Variants in MACROD2 observed in about 807,000 individuals in gnomAD.
The protein encoded by MACROD2 is mono-ADP ribosylhydrolase 2.
Under a neutral mutation model 70.4 loss-of-function variants are expected in MACROD2, and 36 were observed. The observed-to-expected ratio is 0.51, with a 90% confidence interval of 0.39 to 0.68. The LOEUF is 0.68. MACROD2 is among the 30% of genes least tolerant of loss of function. The pLI, the probability that MACROD2 is intolerant of heterozygous loss-of-function variation, is 0.00. For synonymous variants in MACROD2, 172 were observed against 178.8 expected (o/e 0.96, Z 0.30); for missense variants, 496 against 538.4 (o/e 0.92, Z 0.78).
chr20:14,579,066 TG>T (rs1352460359), intron 4 of MACROD2, among the ~76,000 whole-genome samples: 3 of 152,022 alleles, frequency 2.0e-5, no homozygotes. Flanking sequence ...TTCAGGTATT[TG>T]CCCATATTAA....
chr20:14,219,294 T>C (rs1330591775), intron 3 of MACROD2, among the ~76,000 whole-genome samples: 1 of 152,158 alleles, frequency 6.6e-6, no homozygotes, highest in Non-Finnish European at 1.5e-5. Flanking sequence ...CTTCGAGCTC[T>C]GAATTTCTTT....
intron 8 of MACROD2, among the ~76,000 whole-genome samples, chr20:15,665,732 C>T (rs2049888140): frequency 2.0e-5 from 3 of 152,184 alleles, no homozygotes; most frequent in Non-Finnish European, 4.4e-5. Flanking sequence ...TGAAGTGTCC[C>T]ATTCCCTTAT....
At chr20:14,289,344 A>G (rs762390266) in intron 3 of MACROD2, among the ~76,000 whole-genome samples, 2 of 152,240 alleles carry the variant, frequency 1.3e-5, no homozygotes, top group Non-Finnish European at 2.9e-5. Context: ...ACTTTAAAAA[A>G]TTACAAAAGT....
At chr20:14,894,228 T>G (rs1028779776) in intron 5 of MACROD2, 2 of 151,914 alleles carry the variant, frequency 1.3e-5, no homozygotes, top group Admixed American at 6.6e-5. Context: ...CCCTACTTTT[T>G]TTTTGTTTGT....
intron 5 of MACROD2, among the ~76,000 whole-genome samples, chr20:15,002,430 T>C (rs2075003345): frequency 6.6e-6 from 1 of 152,214 alleles, no homozygotes; most frequent in Non-Finnish European, 1.5e-5. Flanking sequence ...AATTGTCTAT[T>C]CATGTCCTTA....
chr20:16,035,164 A>AAATATATATTATATATAAAATAT (rs1568726139), intron 15 of MACROD2, among the ~76,000 whole-genome samples: 1,843 of 67,070 alleles, frequency 0.027, 49 homozygotes, highest in Non-Finnish European at 0.037. Flanking sequence ...ATATAATATA[A>AAATATATATTATATATAAAATAT]AATATAAAAT....
intron 6 of MACROD2, among the ~76,000 whole-genome samples, chr20:15,271,414 A>G (rs1168556465): frequency 6.6e-6 from 1 of 152,182 alleles, no homozygotes; most frequent in Non-Finnish European, 1.5e-5. Context: ...CAACCTATGA[A>G]TTTTGTGGGG....
chr20:14,091,092 T>C (rs998893332), intron 3 of MACROD2, among the ~76,000 whole-genome samples: 3 of 152,176 alleles, frequency 2.0e-5, no homozygotes, highest in African/African-American at 7.2e-5. Flanking sequence ...TTTAATGGGG[T>C]TATTTGTTTT....
At chr20:15,554,931 C>G (rs1009071167) in intron 8 of MACROD2, among the ~76,000 whole-genome samples, 1 of 152,210 alleles carries the variant, frequency 6.6e-6, no homozygotes, top group African/African-American at 2.4e-5. Flanking sequence ...ATCTTTTATT[C>G]ATTTCAAACC....
At chr20:15,189,770 T>C (rs1386152518) in intron 5 of MACROD2, among the ~76,000 whole-genome samples, 1 of 152,210 alleles carries the variant, frequency 6.6e-6, no homozygotes, top group East Asian at 1.9e-4. Flanking sequence ...GCATTAGTCA[T>C]GTAGGTATAA....
intron 8 of MACROD2, among the ~76,000 whole-genome samples, chr20:15,701,010 A>G (rs2050450071): frequency 6.6e-6 from 1 of 152,226 alleles, no homozygotes; most frequent in Non-Finnish European, 1.5e-5. Flanking sequence ...TTAACCGACG[A>G]TGCTCATGTT....
At chr20:15,536,057 G>A (rs960060191) in intron 8 of MACROD2, among the ~76,000 whole-genome samples, 2 of 152,262 alleles carry the variant, frequency 1.3e-5, no homozygotes, top group East Asian at 3.9e-4. Flanking sequence ...CAATAAAACT[G>A]CAACAGGCAG....
intron 6 of MACROD2, among the ~76,000 whole-genome samples, chr20:15,234,358 G>A (rs1299132188): frequency 1.3e-5 from 2 of 151,248 alleles, no homozygotes; most frequent in African/African-American, 2.4e-5. Flanking sequence ...TGACAACCTT[G>A]AGATTGTTGA....
chr20:14,607,522 A>G (rs6033987), intron 4 of MACROD2, among the ~76,000 whole-genome samples: 41,596 of 152,076 alleles, frequency 0.27, 8,657 homozygotes, highest in African/African-American at 0.56. Context: ...CACACTGCTC[A>G]ATAACGAGGA....
chr20:15,554,047 G>A (rs578175604), intron 8 of MACROD2, among the ~76,000 whole-genome samples: 23 of 152,332 alleles, frequency 1.5e-4, no homozygotes, highest in Admixed American at 3.9e-4. Flanking sequence ...AAGGGAGAGG[G>A]CTATGCTGTA....
chr20:14,159,555 T>G (rs6079326), intron 3 of MACROD2, among the ~76,000 whole-genome samples: 144,583 of 152,268 alleles, frequency 0.95, 68,664 homozygotes, highest in East Asian at 0.99. Flanking sequence ...ATGCTACTGA[T>G]TTTTGCATGT....
intron 3 of MACROD2, among the ~76,000 whole-genome samples, chr20:14,288,908 C>T (rs2082364546): frequency 6.6e-6 from 1 of 152,136 alleles, no homozygotes. Flanking sequence ...GCCGCCAATT[C>T]TGTCCTAAGG....
intron 8 of MACROD2, among the ~76,000 whole-genome samples, chr20:15,800,639 T>G (rs922667603): frequency 3.9e-5 from 6 of 152,170 alleles, no homozygotes; most frequent in African/African-American, 1.2e-4. Context: ...CCGCCCCTAC[T>G]GGGAAGCGAG....
At chr20:14,676,135 T>C (rs1347843368) in intron 4 of MACROD2, among the ~76,000 whole-genome samples, 1 of 152,134 alleles carries the variant, frequency 6.6e-6, no homozygotes, top group African/African-American at 2.4e-5. Flanking sequence ...ATTAGACAGA[T>C]CAATGAGACA....
Sources: gnomAD v4.1 joint callset for allele counts (sites outside exome capture counted in the v4.1 genomes callset) on GRCh38, gnomAD v4.1.1 for gene constraint, MANE v1.5 for transcripts, NCBI Gene and HGNC (gene_info 2026-07-23, HGNC 2026-07-21) for gene names.